Variants in TNS1 observed in about 807,000 individuals in gnomAD.
The protein encoded by TNS1 is tensin 1.
Under a neutral mutation model 168.6 loss-of-function variants are expected in TNS1, and 62 were observed. The ratio of observed to expected loss-of-function variants is 0.37; its 90% CI spans 0.30 to 0.45. TNS1 has a LOEUF of 0.45. Ranked by LOEUF, TNS1 falls within the 20% of genes least tolerant of loss-of-function variation. The pLI is 1.00. For synonymous variants in TNS1, 934 were observed against 933.2 expected (o/e 1.00, Z -0.02); for missense variants, 2,240 against 2,339.4 (o/e 0.96, Z 0.88).
intron 18 of TNS1, among the ~76,000 whole-genome samples, chr2:217,870,228 G>T (rs936601512): frequency 3.0e-4 from 45 of 152,242 alleles, no homozygotes; most frequent in African/African-American, 9.6e-4. Flanking sequence ...CCCACGGGCT[G>T]CAGGGCAGAG....
intron 21 of TNS1, among the ~76,000 whole-genome samples, chr2:217,832,257 G>A (rs189930379): frequency 7.1e-4 from 108 of 152,330 alleles, no homozygotes; most frequent in African/African-American, 2.1e-3. Context: ...CTCCCTATGC[G>A]AAGCCTGGGC....
intron 9 of TNS1, among the ~76,000 whole-genome samples, chr2:217,894,342 C>T (rs74270365): frequency 0.021 from 3,238 of 152,248 alleles, 72 homozygotes; most frequent in East Asian, 0.089. Context: ...CCACACACAG[C>T]CCCCGAGCAA....
At chr2:217,974,277 A>G (rs923938580) in intron 3 of TNS1, among the ~76,000 whole-genome samples, 2 of 152,200 alleles carry the variant, frequency 1.3e-5, no homozygotes, top group African/African-American at 4.8e-5. Context: ...CCAATTAGAA[A>G]AAGGAATATG....
intron 31 of TNS1, among the ~76,000 whole-genome samples, chr2:217,808,378 G>C (rs565984150): frequency 1.5e-4 from 23 of 152,282 alleles, no homozygotes; most frequent in African/African-American, 5.3e-4. Context: ...GCATGGCAGA[G>C]GGGGTAGCAG....
At position 217,979,133 on chromosome 2, in the gene TNS1, G is replaced by A. The variant is rs77462473; in HGVS notation, c.149-331C>T. ...CAGGGGCAGAGGTAGCCCGGACCCG[G>A]GCCCCACGCCAGCCCCACCAAGGAA... On this transcript the variant is annotated intron_variant, in intron 2 of 32. Transcript: ENST00000682258. Among the ~76,000 whole-genome samples the A allele has an allele frequency of 1.1e-4, 17 of 152,258 alleles. No individual in the cohort carries two copies. In the East Asian group the frequency reaches 3.3e-3, roughly 29 times the overall value.
intron 22 of TNS1, among the ~76,000 whole-genome samples, chr2:217,829,315 G>A (rs1944065258): frequency 6.6e-6 from 1 of 152,102 alleles, no homozygotes; most frequent in Non-Finnish European, 1.5e-5. Context: ...AACCTGGGAG[G>A]CAGAGGTTGC....
chr2:217,945,716 C>T (rs1227829141), intron 3 of TNS1, among the ~76,000 whole-genome samples: 3 of 152,162 alleles, frequency 2.0e-5, no homozygotes, highest in African/African-American at 4.8e-5. Flanking sequence ...CCCTAGCCGT[C>T]GGCCCAGCCT....
intron 3 of TNS1, among the ~76,000 whole-genome samples, chr2:217,966,609 C>A (rs1028092408): frequency 6.6e-6 from 1 of 152,130 alleles, no homozygotes; most frequent in African/African-American, 2.4e-5. Flanking sequence ...TAATGCAGAT[C>A]CCTAAGTCTA....
intron 22 of TNS1, among the ~76,000 whole-genome samples, chr2:217,829,368 A>G (rs1208364649): frequency 6.6e-6 from 1 of 152,134 alleles, no homozygotes; most frequent in Non-Finnish European, 1.5e-5. Context: ...CTGGACAACA[A>G]GAGCAAAACT....
intron 6 of TNS1, chr2:217,905,426 G>A: frequency 2.3e-6 from 1 of 429,826 alleles, no homozygotes; most frequent in Non-Finnish European, 4.7e-6. Context: ...GCAATGTGGT[G>A]GTGGCAGTGG....
chr2:217,927,889 G>A (rs1053465357), intron 3 of TNS1, among the ~76,000 whole-genome samples: 4 of 152,196 alleles, frequency 2.6e-5, no homozygotes, highest in African/African-American at 7.2e-5. Context: ...ATACCAGAGC[G>A]GTCCAGAAAA....
At chr2:217,911,767 T>C (rs1253491576) in intron 4 of TNS1, among the ~76,000 whole-genome samples, 1 of 152,206 alleles carries the variant, frequency 6.6e-6, no homozygotes, top group Non-Finnish European at 1.5e-5. Flanking sequence ...CCCATCATGC[T>C]ATCTCCCCTC....
At chr2:217,816,982 G>A (rs370246407) in intron 24 of TNS1, among the ~76,000 whole-genome samples, 2 of 152,212 alleles carry the variant, frequency 1.3e-5, no homozygotes, top group Admixed American at 1.3e-4. Context: ...TAGAGGCAAA[G>A]GTGGCAAGTT....
At chr2:217,869,261 G>C (rs189903891) in intron 18 of TNS1, among the ~76,000 whole-genome samples, 3 of 152,192 alleles carry the variant, frequency 2.0e-5, no homozygotes, top group African/African-American at 4.8e-5. Context: ...CCGCCTCTCC[G>C]AGGCTGATGG....
chr2:217,816,582 C>A (rs911397007), intron 24 of TNS1, among the ~76,000 whole-genome samples: 7 of 152,218 alleles, frequency 4.6e-5, no homozygotes, highest in Admixed American at 1.3e-4. Flanking sequence ...CCAGGCCCCA[C>A]TGCTGCCGTG....
intron 5 of TNS1, 108 bp from the exon 6 acceptor site, chr2:217,906,493 T>C: frequency 1.5e-6 from 1 of 673,948 alleles, no homozygotes; most frequent in Non-Finnish European, 2.7e-6. Context: ...CAGAGGGGCC[T>C]GGGAAAGAAC....
At chr2:217,989,192 A>G (rs1316663295) in intron 2 of TNS1, among the ~76,000 whole-genome samples, 2 of 152,208 alleles carry the variant, frequency 1.3e-5, no homozygotes, top group African/African-American at 4.8e-5. Context: ...GGCTGAGCCC[A>G]CCAGGCCTGG....
chr2:217,847,543 T>C lies in TNS1; in HGVS notation c.2974A>G (p.Asn992Asp), dbSNP rs533297763. 3.4e-6 allele frequency: 5 copies of C among 1,472,266 alleles called. No homozygotes were observed. The East Asian group carries it at 9.2e-5, about 27-fold the overall frequency. 91.2% of individuals were successfully genotyped at this position (1,472,266 alleles called of 1,614,324 possible). A position where few individuals can be genotyped will look rare whatever the true frequency, so the allele number is the denominator to read the frequency against. Residue 992 changes from asparagine (N) to aspartate (D), a missense_variant, in exon 19 of 33, where the codon AAT (asparagine) becomes GAT (aspartate). Coordinates refer to ENST00000682258, the MANE Select transcript of TNS1 (RefSeq NM_001387777.1). Reference protein sequence around the residue: ...PSRTPEEEPLNLEGLVAHRVA... With the variant: ...PSRTPEEEPLDLEGLVAHRVA... ...CTGTGGGCCACCAGCCCTTCTAAATTCAATGGCTCCTCCTCTGGAGTCCGG... is the reference window on the plus strand; with the variant it reads ...CTGTGGGCCACCAGCCCTTCTAAATCCAATGGCTCCTCCTCTGGAGTCCGG...
intron 3 of TNS1, among the ~76,000 whole-genome samples, chr2:217,974,526 C>CA (rs1473014582): frequency 2.0e-5 from 3 of 152,154 alleles, no homozygotes; most frequent in Admixed American, 6.5e-5. Context: ...AGCTCTCAAC[C>CA]TTCCGATGGG....
Sources: allele counts gnomAD v4.1 joint callset (sites outside exome capture counted in the v4.1 genomes callset), GRCh38; gene constraint gnomAD v4.1.1; transcripts MANE v1.5; gene names NCBI Gene and HGNC (gene_info 2026-07-23, HGNC 2026-07-21).